Variants in LRP4 observed in about 807,000 individuals in gnomAD.
LRP4 encodes low-density lipoprotein receptor-related protein 4.
In LRP4, 95 loss-of-function variants were observed where a neutral mutation model predicts 220.3. That is an observed-to-expected ratio of 0.43 (90% CI 0.37 to 0.51). LRP4 has a LOEUF of 0.51. Among genes scored for constraint, LRP4 ranks in the 20% least tolerant of loss-of-function variants. The pLI, the probability that LRP4 is intolerant of heterozygous loss-of-function variation, is 0.00. For missense variants in LRP4, 1,925 were observed against 2,567.0 expected (o/e 0.75, Z 5.40); for synonymous variants, 903 against 954.6 (o/e 0.95, Z 1.00).
chr11:46,858,962 C>T lies in LRP4; in HGVS notation c.*21G>A, dbSNP rs1192181083. 6.2e-7 allele frequency: 1 copy of T among 1,609,368 alleles called. No homozygotes were observed. Among genetic ancestry groups the T allele is most frequent in the South Asian group, 1.1e-5 (1 of 90,964 alleles). On this transcript the variant is annotated 3_prime_UTR_variant, in exon 38 of 38. Coordinates refer to ENST00000378623, the MANE Select transcript of LRP4 (RefSeq NM_002334.4). ...CCATAAAGGAGAAGGAACAGGCAGG[C>T]AGGGAAGAGAATGTGGGCATTTAGA...
chr11:46,915,000 A>G (rs529955795), intron 1 of LRP4, among the ~76,000 whole-genome samples: 2 of 152,326 alleles, frequency 1.3e-5, no homozygotes, highest in South Asian at 4.1e-4. Flanking sequence ...CAGAAGATGG[A>G]CATACCCAAC....
rs1379220217 is a variant in LRP4, at chr11:46,875,552, G to A, written c.3829C>T (p.Arg1277Cys). 5.6e-6 allele frequency: 9 copies of A among 1,614,116 alleles called. No individual in the cohort carries two copies. The highest frequency in any genetic ancestry group is 1.3e-5 in the African/African-American group (1 of 75,024). Residue 1277 changes from arginine (R) to cysteine (C), a missense_variant, in exon 27 of 38, where the codon CGT becomes TGT. Physicochemically the swap from Arg to Cys is radical, Grantham distance 180 (BLOSUM62 -3). Transcript: ENST00000378623. The surrounding 1 kb of genome is among the most constrained non-coding windows in gnomAD (Gnocchi z 4.5). ...TTGCTGCCAGTACCCTTGTCAGCAC[G>A]GTGGATGCTCCGAGTCTGCCAGTCA... ...WTDWQTRSIH[R>C]ADKGTGSNVI...
chr11:46,896,375 T>G, intron 8 of LRP4, 40 bp from the exon 9 acceptor site: 1 of 1,609,044 alleles, frequency 6.2e-7, no homozygotes, highest in Non-Finnish European at 8.5e-7. Context: ...AGGCAGGGCT[T>G]GGGCCAACAA....
intron 1 of LRP4, among the ~76,000 whole-genome samples, chr11:46,908,838 T>C (rs1292041195): frequency 1.3e-5 from 2 of 151,374 alleles, no homozygotes; most frequent in Non-Finnish European, 2.9e-5. Context: ...TAATTATACT[T>C]TGCAATTTCT....
In LRP4 at chr11:46,859,347, C is replaced by A; in HGVS notation, c.5386-32G>T. The A allele has an allele frequency of 2.0e-6, 3 of 1,520,572 alleles. No homozygotes were observed. The South Asian group carries it at 3.4e-5, about 17-fold the overall frequency. The allele number at this position is 1,520,572 out of a possible 1,614,324, so 94.2% of individuals were successfully genotyped here. ...TGGAGAGTGGGCAGATATGGTCAGT[C>A]AGTTGGCCTTCTACAAAGGATCCCA... is the stretch of plus-strand genomic sequence containing the variant. On this transcript the variant is annotated intron_variant, in intron 37 of 37. Coordinates refer to ENST00000378623, the MANE Select transcript of LRP4 (RefSeq NM_002334.4).
At chr11:46,863,385 G>T (rs1310264605) in intron 36 of LRP4, among the ~76,000 whole-genome samples, 1 of 152,062 alleles carries the variant, frequency 6.6e-6, no homozygotes, top group Non-Finnish European at 1.5e-5. Flanking sequence ...TTTAGAGTCA[G>T]ACAGATCTGT....
chr11:46,889,355 C>T lies in LRP4; in HGVS notation c.2215+56G>A, dbSNP rs1299946646. ...TCCCTCCACGTCCTATCCCTTGTTC[C>T]TTCTCCCCATCCTCACAACAGCCTC... is the stretch of plus-strand genomic sequence containing the variant. On this transcript the variant is annotated intron_variant, in intron 16 of 37. Transcript: ENST00000378623. 2.5e-6 allele frequency: 4 copies of T among 1,609,388 alleles called. No individual in the cohort carries two copies. The Admixed American group carries it at 5.0e-5, about 20-fold the overall frequency.
intron 34 of LRP4, among the ~76,000 whole-genome samples, chr11:46,867,525 G>A (rs1371038116): frequency 2.6e-5 from 4 of 152,162 alleles, no homozygotes; most frequent in African/African-American, 4.8e-5. Flanking sequence ...GTAATGGCGC[G>A]ATCTCGGCTC....
In LRP4 at chr11:46,889,552, G is replaced by A. The variant is rs1181290875; in HGVS notation, c.2093-19C>T. Reference sequence around the variant, plus strand: ...TTTTTCCCTGCTCAAAGAGCCCAGGGCAAGAGGATCAGCGAAGGTCTGCAA... The same window carrying A: ...TTTTTCCCTGCTCAAAGAGCCCAGGACAAGAGGATCAGCGAAGGTCTGCAA... On this transcript the variant is annotated intron_variant, in intron 15 of 37. Transcript: ENST00000378623. The A allele has an allele frequency of 1.2e-6, 2 of 1,612,924 alleles. No homozygotes were observed. The highest frequency in any genetic ancestry group is 1.3e-5 in the African/African-American group (1 of 75,066).
chr11:46,902,990 G>C, intron 1 of LRP4, 61 bp from the exon 2 acceptor site: 1 of 1,607,582 alleles, frequency 6.2e-7, no homozygotes, highest in Non-Finnish European at 8.5e-7. Flanking sequence ...AGCCCATTCC[G>C]AGGGGAAAGT....
At chr11:46,904,776 C>T (rs958604155) in intron 1 of LRP4, among the ~76,000 whole-genome samples, 6 of 151,980 alleles carry the variant, frequency 3.9e-5, no homozygotes, top group African/African-American at 1.2e-4. Flanking sequence ...TTGAGACCAG[C>T]CCGGGGAACA....
intron 8 of LRP4, 38 bp from the exon 9 acceptor site, chr11:46,896,373 C>G: frequency 1.2e-6 from 2 of 1,609,252 alleles, no homozygotes; most frequent in Non-Finnish European, 1.7e-6. Context: ...CAAGGCAGGG[C>G]TTGGGCCAAC....
chr11:46,916,895 G>A (rs1941954170), intron 1 of LRP4, among the ~76,000 whole-genome samples: 1 of 152,208 alleles, frequency 6.6e-6, no homozygotes, highest in South Asian at 2.1e-4. Context: ...TAGGGCCGCT[G>A]TCCCAACACG....
At position 46,916,526 on chromosome 11, in the gene LRP4, C is replaced by T. The variant is rs144977936; in HGVS notation, c.52+1802G>A. Among the ~76,000 whole-genome samples the T allele has an allele frequency of 2.6e-3, 391 of 152,106 alleles. 4 individuals are homozygous for T. Among genetic ancestry groups the T allele is most frequent in the East Asian group, 0.018 (93 of 5,178 alleles). On this transcript the variant is annotated intron_variant, in intron 1 of 37. Transcript: ENST00000378623. ...TGAAACATTAGACATACGCAATTCT[C>T]TCCCCCCATTCTCACCCCCATCCTC... is the stretch of plus-strand genomic sequence containing the variant.
intron 1 of LRP4, among the ~76,000 whole-genome samples, chr11:46,914,076 C>A (rs1477737497): frequency 6.6e-6 from 1 of 152,046 alleles, no homozygotes; most frequent in Non-Finnish European, 1.5e-5. Context: ...TTACAGCTAA[C>A]TTTTATCAAG....
intron 7 of LRP4, 36 bp from the exon 8 acceptor site, chr11:46,897,030 C>A (rs762402170): frequency 1.2e-6 from 2 of 1,613,670 alleles, no homozygotes; most frequent in Non-Finnish European, 1.7e-6. Flanking sequence ...AGGTGGGCCC[C>A]ATTTCAGCCT....
rs1226637410 is a variant in LRP4, at chr11:46,873,337, T to A, written c.4448+38A>T. ...TAACACCATCTTTCCACCCAGCCCT[T>A]CTTCCCTGGATCTCTCTTCTGCTGG... On this transcript the variant is annotated intron_variant, in intron 29 of 37. Coordinates refer to ENST00000378623, the MANE Select transcript of LRP4 (RefSeq NM_002334.4). The surrounding 1 kb of genome is among the most constrained non-coding windows in gnomAD (Gnocchi z 4.2). The A allele has an allele frequency of 6.2e-7, 1 of 1,612,890 alleles. No individual in the cohort carries two copies. Among genetic ancestry groups the A allele is most frequent in the African/African-American group, 1.3e-5 (1 of 74,896 alleles).
Position 46,918,430 on chromosome 11 carries a change from C to T in LRP4, c.-51G>A, listed in dbSNP as rs1173121224. On this transcript the variant is annotated 5_prime_UTR_variant, in exon 1 of 38. Coordinates refer to ENST00000378623, the MANE Select transcript of LRP4 (RefSeq NM_002334.4). This position sits in a 1 kb window ranked among gnomAD's most constrained non-coding sequence, Gnocchi z 6.0. ...GGTCCCGCCGGCTCCCGCCGGACGG[C>T]GCGGCGGAGAAGCCCGCGGAGGGTC... 16 of 1,301,230 alleles carry T rather than the reference C, an allele frequency of 1.2e-5. No homozygotes were observed. In the African/African-American group the frequency reaches 1.3e-4, roughly 10 times the overall value. 80.6% of individuals were successfully genotyped at this position (1,301,230 alleles called of 1,614,324 possible).
intron 8 of LRP4, 136 bp from the exon 9 acceptor site, chr11:46,896,471 G>T: frequency 9.5e-7 from 1 of 1,050,542 alleles, no homozygotes; most frequent in Non-Finnish European, 1.4e-6. Flanking sequence ...GCAGGAAGCA[G>T]CTCAGACAGG....
Sources: allele counts gnomAD v4.1 joint callset (sites outside exome capture counted in the v4.1 genomes callset), GRCh38; gene constraint gnomAD v4.1.1; non-coding constraint Gnocchi (gnomAD v3.1); transcripts MANE v1.5; gene names NCBI Gene and HGNC (gene_info 2026-07-23, HGNC 2026-07-21).